Variants in KEAP1 observed in about 807,000 individuals in gnomAD.
KEAP1 encodes the protein kelch-like ECH-associated protein 1.
KEAP1 carries 26 observed loss-of-function variants against 59.7 expected under a neutral mutation model. The observed-to-expected ratio is 0.44, with a 90% CI of 0.32 to 0.60. The LOEUF (loss-of-function observed/expected upper bound fraction) is 0.60. KEAP1 is among the 20% of genes least tolerant of loss of function. The pLI is 0.06. For synonymous variants in KEAP1, 350 were observed against 358.3 expected, an observed-to-expected ratio of 0.98 and a Z score of 0.26; for missense variants, 539 against 871.4, an observed-to-expected ratio of 0.62 and a Z score of 4.80.
At chr19:10,492,640 C>G (rs187816766) in intron 2 of KEAP1, 1 of 205,128 alleles carries the variant, frequency 4.9e-6, no homozygotes, top group African/African-American at 2.3e-5. Context: ...ATCGCTTGAA[C>G]CCGGGAGGCG....
intron 5 of KEAP1, among the ~76,000 whole-genome samples, chr19:10,488,761 T>C (rs1914561403): frequency 6.6e-6 from 1 of 151,776 alleles, no homozygotes; most frequent in Non-Finnish European, 1.5e-5. Context: ...TGAAACCCTG[T>C]CTCTACTAAA....
chr19:10,493,413 T>C lies in KEAP1; in HGVS notation c.640-1151A>G, dbSNP rs561738457. Among the ~76,000 whole-genome samples, 534 of 151,560 alleles carry C rather than the reference T, an allele frequency of 3.5e-3. 1 individual carries two copies. The highest frequency in any genetic ancestry group is 6.2e-3 in the Admixed American group (94 of 15,178). ...TCCTGACCTTGTGATCCACCCGCCT[T>C]AGCCTCCCAAAGTGCTGGGATTACA... On this transcript the variant is annotated intron_variant, in intron 2 of 5. Coordinates refer to ENST00000171111, the MANE Select transcript of KEAP1 (RefSeq NM_203500.2).
In KEAP1 at chr19:10,486,548, GA is replaced by G; in HGVS notation, c.*103del. The stretch of plus-strand genomic sequence containing the variant: ...GGCATCCTGGCCTCCCTTCCCGGAA[GA>G]TGGGTTATTTGCAGTGCTGTCTTTT... On this transcript the variant is annotated 3_prime_UTR_variant, in exon 6 of 6. Transcript: ENST00000171111. 8.6e-7 allele frequency: 1 copy of G among 1,166,238 alleles called. No individual in the cohort carries two copies. Among genetic ancestry groups the G allele is most frequent in the Admixed American group, 2.1e-5 (1 of 47,010 alleles). The allele number at this position is 1,166,238 out of a possible 1,614,324, so 72.2% of individuals were successfully genotyped here.
rs930963652 is a variant in KEAP1, at chr19:10,486,586, G to A, written c.*66C>T. 2.6e-5 allele frequency: 38 copies of A among 1,480,724 alleles called. No homozygotes were observed. In the Admixed American group the frequency reaches 3.2e-4, roughly 13 times the overall value. 91.7% of individuals were successfully genotyped at this position (1,480,724 alleles called of 1,614,324 possible). ...CAGTGCTGTCTTTTCTTTTAGTCCC[G>A]GTTTTTGTACAAAAACAATGATACT... On this transcript the variant is annotated 3_prime_UTR_variant, in exon 6 of 6. Transcript: ENST00000171111.
rs980907487 is a variant in KEAP1 at position 10,493,812 on chromosome 19, C to G, written c.640-1550G>C. ...TCCTGACCTCGTGATCCGCCCGCCT[C>G]GGCCTCCCAAAGTGCTGGGATTACA... On this transcript the variant is annotated intron_variant, in intron 2 of 5. Coordinates refer to ENST00000171111, the MANE Select transcript of KEAP1 (RefSeq NM_203500.2). 3.3e-5 allele frequency among the ~76,000 whole-genome samples: 5 copies of G among 149,870 alleles called. No homozygotes were observed. The South Asian group carries it at 1.1e-3, about 32-fold the overall frequency.
rs779264157 is a variant in KEAP1 at position 10,499,544 on chromosome 19, T to A, written c.490A>T (p.Ile164Phe). The change falls in exon 2 of 6, where the codon ATC becomes TTC. Residue 164 changes from isoleucine (I) to phenylalanine (F), a missense_variant. By Grantham distance (21) the Ile-to-Phe change is conservative (BLOSUM62 0). Coordinates refer to ENST00000171111, the MANE Select transcript of KEAP1 (RefSeq NM_203500.2). This position sits in a 1 kb window ranked among gnomAD's most constrained non-coding sequence, Gnocchi z 6.7. ...CTGCAGGCACGGACAACGCTGTCGATCTGGTACATGACAGCACCGTTCATG... is the reference window on the plus strand; with the variant it reads ...CTGCAGGCACGGACAACGCTGTCGAACTGGTACATGACAGCACCGTTCATG... The part of the protein sequence containing the change: ...HVMNGAVMYQ[I>F]DSVVRACSDF... The A allele has an allele frequency of 6.2e-7, 1 of 1,614,170 alleles. No individual in the cohort carries two copies. The highest frequency in any genetic ancestry group is 1.1e-5 in the South Asian group (1 of 91,090).
chr19:10,496,378 C>T (rs1484742186), intron 2 of KEAP1, among the ~76,000 whole-genome samples: 1 of 151,448 alleles, frequency 6.6e-6, no homozygotes, highest in African/African-American at 2.4e-5. Context: ...TGCCTATAAT[C>T]CCAGCTACTT....
At chr19:10,488,709 G>A (rs1347959648) in intron 5 of KEAP1, among the ~76,000 whole-genome samples, 1 of 152,110 alleles carries the variant, frequency 6.6e-6, no homozygotes, top group Admixed American at 6.6e-5. Flanking sequence ...GAGGCAGGTG[G>A]ATCACGAGGT....
intron 2 of KEAP1, 66 bp from the exon 3 acceptor site, chr19:10,492,328 G>A (rs1023513846): frequency 2.4e-6 from 3 of 1,252,108 alleles, no homozygotes; most frequent in Admixed American, 3.9e-5. Context: ...AAGCAGGACC[G>A]GGACAAGTAA....
intron 2 of KEAP1, among the ~76,000 whole-genome samples, chr19:10,495,267 C>G (rs1461508150): frequency 6.6e-6 from 1 of 152,142 alleles, no homozygotes; most frequent in Non-Finnish European, 1.5e-5. Context: ...CTGCCTCAGC[C>G]TCCCAAAGCA....
chr19:10,493,853 G>A (rs1171276121), intron 2 of KEAP1, among the ~76,000 whole-genome samples: 5 of 151,876 alleles, frequency 3.3e-5, no homozygotes, highest in South Asian at 4.2e-4. Flanking sequence ...GAGCCACCTC[G>A]CCTGGCCAGT....
intron 2 of KEAP1, 34 bp from the exon 3 acceptor site, chr19:10,492,296 C>G (rs776557751): frequency 3.9e-6 from 6 of 1,520,498 alleles, no homozygotes; most frequent in Middle Eastern, 1.7e-4. Flanking sequence ...GGCTGACTCT[C>G]CAGTCACCCC....
In KEAP1 at chr19:10,503,329, G is replaced by A. The variant is rs1344076798; in HGVS notation, c.-136C>T. On this transcript the variant is annotated 5_prime_UTR_variant, in exon 1 of 6. Coordinates refer to ENST00000171111, the MANE Select transcript of KEAP1 (RefSeq NM_203500.2). This position sits in a 1 kb window ranked among gnomAD's most constrained non-coding sequence, Gnocchi z 4.3. Reference sequence around the variant, plus strand: ...GCCTGCGGGGTCTTGGTTGTCGGTTGGGGAGCGGCCTCGGGACGCCCGAAA... The same window carrying A: ...GCCTGCGGGGTCTTGGTTGTCGGTTAGGGAGCGGCCTCGGGACGCCCGAAA... The A allele has an allele frequency of 6.6e-6, 1 of 152,376 alleles. No homozygotes were observed. The highest frequency in any genetic ancestry group is 1.5e-5 in the Non-Finnish European group (1 of 68,112). The allele number at this position is 152,376 out of a possible 1,614,324, so 9.4% of individuals were successfully genotyped here. A position where few individuals can be genotyped will look rare whatever the true frequency, so the allele number is the denominator to read the frequency against.
chr19:10,486,587 G>T lies in KEAP1; in HGVS notation c.*65C>A, dbSNP rs188693400. The T allele has an allele frequency of 2.7e-6, 4 of 1,503,160 alleles. No homozygotes were observed. Among genetic ancestry groups the T allele is most frequent in the Non-Finnish European group, 3.6e-6 (4 of 1,098,038 alleles). The allele number at this position is 1,503,160 out of a possible 1,614,324, so 93.1% of individuals were successfully genotyped here. A position where few individuals can be genotyped will look rare whatever the true frequency, so the allele number is the denominator to read the frequency against. The stretch of plus-strand genomic sequence containing the variant: ...AGTGCTGTCTTTTCTTTTAGTCCCG[G>T]TTTTTGTACAAAAACAATGATACTC... On this transcript the variant is annotated 3_prime_UTR_variant, in exon 6 of 6. Coordinates refer to ENST00000171111, the MANE Select transcript of KEAP1 (RefSeq NM_203500.2).
intron 2 of KEAP1, among the ~76,000 whole-genome samples, chr19:10,495,669 G>A (rs946994837): frequency 3.3e-5 from 5 of 151,780 alleles, no homozygotes; most frequent in Non-Finnish European, 7.4e-5. Context: ...CTGTACTCCA[G>A]CCTGAGCAAC....
Position 10,486,728 on chromosome 19 carries a change from C to T in KEAP1, c.1799G>A (p.Gly600Asp), listed in dbSNP as rs2144577965. Reference protein sequence around the residue: ...TWSEVTRMTSGRSGVGVAVTM... With the variant: ...TWSEVTRMTSDRSGVGVAVTM... The stretch of plus-strand genomic sequence containing the variant: ...GACAGCCACGCCCACCCCACTCCGG[C>T]CCGATGTCATTCGGGTCACCTCGCT... The change falls in exon 6 of 6, where the codon GGC (glycine) becomes GAC (aspartate). Residue 600 changes from glycine (G) to aspartate (D), a missense_variant. Transcript: ENST00000171111. The T allele has an allele frequency of 6.2e-7, 1 of 1,614,132 alleles. No homozygotes were observed. Among genetic ancestry groups the T allele is most frequent in the Non-Finnish European group, 8.5e-7 (1 of 1,180,030 alleles).
At chr19:10,494,093 C>T (rs1021433946) in intron 2 of KEAP1, among the ~76,000 whole-genome samples, 1 of 151,982 alleles carries the variant, frequency 6.6e-6, no homozygotes. Flanking sequence ...AGGTGTGTGC[C>T]ACCACGCACA....
At chr19:10,494,997 C>G (rs1197757049) in intron 2 of KEAP1, among the ~76,000 whole-genome samples, 1 of 150,600 alleles carries the variant, frequency 6.6e-6, no homozygotes, top group Non-Finnish European at 1.5e-5. Flanking sequence ...CTCACTCTGT[C>G]GTCAGGCTGG....
intron 2 of KEAP1, among the ~76,000 whole-genome samples, chr19:10,493,547 G>C (rs1914750890): frequency 1.3e-5 from 2 of 148,282 alleles, no homozygotes; most frequent in Non-Finnish European, 3.0e-5. Context: ...GGCCAGGCTG[G>C]TCTCAAACTC....
Sources: allele counts gnomAD v4.1 joint callset (sites outside exome capture counted in the v4.1 genomes callset), GRCh38; gene constraint gnomAD v4.1.1; non-coding constraint Gnocchi (gnomAD v3.1); transcripts MANE v1.5; gene names NCBI Gene and HGNC (gene_info 2026-07-23, HGNC 2026-07-21).